Variants in COL5A1 observed in about 807,000 individuals in gnomAD.
COL5A1 encodes collagen alpha-1(V) chain.
In COL5A1, 16 loss-of-function variants were observed where a neutral mutation model predicts 263.7. The observed-to-expected ratio is 0.06, with a 90% CI of 0.04 to 0.09. COL5A1 has a LOEUF of 0.09. COL5A1 is among the 10% of genes least tolerant of loss of function. COL5A1 has a pLI of 1.00. For synonymous variants in COL5A1, 1,012 were observed against 1,004.5 expected, an observed-to-expected ratio of 1.01 and a Z score of -0.14; for missense variants, 2,036 against 2,540.5, an observed-to-expected ratio of 0.80 and a Z score of 4.27.
At chr9:134,693,333 C>T (rs1286412284) in intron 2 of COL5A1, among the ~76,000 whole-genome samples, 1 of 152,110 alleles carries the variant, frequency 6.6e-6, no homozygotes, top group African/African-American at 2.4e-5. Flanking sequence ...TCAAACAAAA[C>T]AAAACAAACA....
intron 4 of COL5A1, chr9:134,709,073 C>T (rs1321055353): frequency 2.5e-6 from 1 of 397,320 alleles, no homozygotes; most frequent in East Asian, 7.2e-5. Context: ...ATTCCATCTG[C>T]AGTGATCTTA....
Position 134,826,350 on chromosome 9 carries a change from T to G in COL5A1, c.5067+446T>G, listed in dbSNP as rs4841937. On this transcript the variant is annotated intron_variant, in intron 63 of 65. Coordinates refer to ENST00000371817, the MANE Select transcript of COL5A1 (RefSeq NM_000093.5). ...CCAGCCTGTTTCTGTGGGTTGGCCCTGGTCCCTCCTGAGTGCTTTGTTTTG... is the reference window on the plus strand; with the variant it reads ...CCAGCCTGTTTCTGTGGGTTGGCCCGGGTCCCTCCTGAGTGCTTTGTTTTG... Among the ~76,000 whole-genome samples the G allele has an allele frequency of 2.0e-5, 3 of 152,248 alleles. No homozygotes were observed. The East Asian group carries it at 5.8e-4, about 29-fold the overall frequency.
rs762708685 is a variant in COL5A1 at position 134,842,151 on chromosome 9, C to A, written c.5371-6C>A. ...ACCACCGGCCATCTGTCTCCCTCTT[C>A]CCCAGACCAAGAAAGGCTACCAGAA... On this transcript the variant is annotated splice_region_variant and splice_polypyrimidine_tract_variant and intron_variant, in intron 65 of 65. Transcript: ENST00000371817. This position sits in a 1 kb window ranked among gnomAD's most constrained non-coding sequence, Gnocchi z 5.8. 8 of 1,614,148 alleles carry A rather than the reference C, an allele frequency of 5.0e-6. No individual in the cohort carries two copies. In the South Asian group the frequency reaches 8.8e-5, roughly 18 times the overall value.
intron 42 of COL5A1, among the ~76,000 whole-genome samples, chr9:134,806,605 G>A (rs1838305693): frequency 6.6e-6 from 1 of 152,194 alleles, no homozygotes; most frequent in African/African-American, 2.4e-5. Context: ...TTCCCCACAT[G>A]CGTGGACAGA....
rs1267699801 is a variant in COL5A1 at position 134,681,729 on chromosome 9, A to G, written c.110-9183A>G. 6.6e-6 allele frequency among the ~76,000 whole-genome samples: 1 copy of G among 152,194 alleles called. No homozygotes were observed. Among genetic ancestry groups the G allele is most frequent in the African/African-American group, 2.4e-5 (1 of 41,444 alleles). On this transcript the variant is annotated intron_variant, in intron 1 of 65. Coordinates refer to ENST00000371817, the MANE Select transcript of COL5A1 (RefSeq NM_000093.5). The surrounding 1 kb of genome is among the most constrained non-coding windows in gnomAD (Gnocchi z 4.3). ...AAGGCTCTTAGCCCAGATGCTATTTATGACTCCTGGCTCTAAAATTAGAGT... is the reference window on the plus strand; with the variant it reads ...AAGGCTCTTAGCCCAGATGCTATTTGTGACTCCTGGCTCTAAAATTAGAGT...
chr9:134,708,728 G>T (rs1833932175), intron 4 of COL5A1: 3 of 502,748 alleles, frequency 6.0e-6, no homozygotes, highest in Non-Finnish European at 1.2e-5. Flanking sequence ...ATTGCACTCT[G>T]CATGATCTCC....
At chr9:134,732,340 G>A (rs1334158419) in intron 9 of COL5A1, 2 of 650,686 alleles carry the variant, frequency 3.1e-6, no homozygotes, top group Admixed American at 2.2e-5. Flanking sequence ...GGACTGTGAT[G>A]GAGGGGGCGG....
In COL5A1 at chr9:134,665,363, A is replaced by G. The variant is rs554149332; in HGVS notation, c.109+23067A>G. 2.2e-3 allele frequency among the ~76,000 whole-genome samples: 338 copies of G among 152,358 alleles called. 2 individuals are homozygous for G. The highest frequency in any genetic ancestry group is 7.7e-3 in the African/African-American group (320 of 41,584). ...GGTTACCATGCAGAACAAAACAAGC[A>G]CAGCAGCTAAGAAGATGAAGTTTTC... On this transcript the variant is annotated intron_variant, in intron 1 of 65. Transcript: ENST00000371817.
chr9:134,797,513 C>T (rs980205995), intron 36 of COL5A1, among the ~76,000 whole-genome samples: 6 of 152,140 alleles, frequency 3.9e-5, no homozygotes, highest in African/African-American at 1.2e-4. Context: ...GACAGAGTCT[C>T]GCTCTGTCGC....
intron 29 of COL5A1, among the ~76,000 whole-genome samples, chr9:134,783,083 AAG>A (rs1588543381): frequency 6.6e-6 from 1 of 152,218 alleles, no homozygotes; most frequent in South Asian, 2.1e-4. Flanking sequence ...GGGAAGAGAA[AAG>A]AGAGCAGCTA....
Position 134,781,461 on chromosome 9 carries a change from C to T in COL5A1, c.2431-1206C>T, listed in dbSNP as rs576883177. Among the ~76,000 whole-genome samples the T allele has an allele frequency of 8.6e-4, 131 of 152,364 alleles. 1 individual carries two copies. Among genetic ancestry groups the T allele is most frequent in the Non-Finnish European group, 9.3e-4 (63 of 68,024 alleles). On this transcript the variant is annotated intron_variant, in intron 28 of 65. Transcript: ENST00000371817. ...GGGTCCCCATCCCAGAATTCCATCC[C>T]GTTGGTCCCCGGGAGGCTCCCTCAC...
chr9:134,698,415 G>A (rs540746278), intron 2 of COL5A1, among the ~76,000 whole-genome samples: 7 of 151,968 alleles, frequency 4.6e-5, no homozygotes, highest in East Asian at 1.9e-4. Context: ...AGCTTCCAGC[G>A]CTCACGCAGG....
intron 18 of COL5A1, among the ~76,000 whole-genome samples, chr9:134,760,480 C>A (rs1836337338): frequency 7.6e-6 from 1 of 131,934 alleles, no homozygotes; most frequent in African/African-American, 2.9e-5. Flanking sequence ...TTCATACACA[C>A]ATGCACACAC....
chr9:134,804,719 A>ATG (rs1230561428), intron 39 of COL5A1, among the ~76,000 whole-genome samples: 2 of 152,114 alleles, frequency 1.3e-5, no homozygotes, highest in Non-Finnish European at 2.9e-5. Flanking sequence ...TGGCCAGGAG[A>ATG]AGCCCAATCC....
chr9:134,701,281 T>A lies in COL5A1; in HGVS notation c.602T>A (p.Ile201Asn). Residue 201 changes from isoleucine to asparagine, a missense_variant, in exon 4 of 66, where the codon ATC becomes AAC. Physicochemically the swap from Ile to Asn is moderately radical, Grantham distance 149. Around this residue, in one of 3 missense-constraint regions of COL5A1, gnomAD observed 600 missense variants for 634.5 expected, o/e 0.95. Coordinates refer to ENST00000371817, the MANE Select transcript of COL5A1 (RefSeq NM_000093.5). ...CGCAGCGACCACCCCATGATCGACA[T>A]CAATGGCATCATCGTGTTTGGCACC... is the stretch of plus-strand genomic sequence containing the variant. Reference protein sequence around the residue: ...LDRSDHPMIDINGIIVFGTRI... With the variant: ...LDRSDHPMIDNNGIIVFGTRI... 1 of 1,613,910 alleles carries A rather than the reference T, an allele frequency of 6.2e-7. No individual in the cohort carries two copies. The highest frequency in any genetic ancestry group is 1.3e-5 in the African/African-American group (1 of 75,018).
At chr9:134,840,659 A>G (rs1039269181) in intron 65 of COL5A1, among the ~76,000 whole-genome samples, 1 of 152,060 alleles carries the variant, frequency 6.6e-6, no homozygotes, top group Non-Finnish European at 1.5e-5. Flanking sequence ...CGTGGCTCAT[A>G]AGCAACAGAA....
chr9:134,670,953 G>T (rs183036699), intron 1 of COL5A1, among the ~76,000 whole-genome samples: 3 of 152,212 alleles, frequency 2.0e-5, no homozygotes, highest in Non-Finnish European at 4.4e-5. Context: ...ATACCACAAG[G>T]CCGGGAGGGA....
At chr9:134,674,443 GAA>G (rs1296942034) in intron 1 of COL5A1, among the ~76,000 whole-genome samples, 13 of 152,174 alleles carry the variant, frequency 8.5e-5, no homozygotes, top group Non-Finnish European at 1.6e-4. Flanking sequence ...TGCAGGGACA[GAA>G]AAAAGATGAG....
In COL5A1 at chr9:134,696,105, G is replaced by A. The variant is rs780974388; in HGVS notation, c.278-3804G>A. On this transcript the variant is annotated intron_variant, in intron 2 of 65. Transcript: ENST00000371817. This position sits in a 1 kb window ranked among gnomAD's most constrained non-coding sequence, Gnocchi z 4.3. ...CCCTGTCCAAAGTTAGCCACACCCCGCATTCATTTCCTATCCTCTGACCTC... is the reference window on the plus strand; with the variant it reads ...CCCTGTCCAAAGTTAGCCACACCCCACATTCATTTCCTATCCTCTGACCTC... Among the ~76,000 whole-genome samples, 5 of 151,818 alleles carry A rather than the reference G, an allele frequency of 3.3e-5. No homozygotes were observed. Among genetic ancestry groups the A allele is most frequent in the East Asian group, 3.9e-4 (2 of 5,174 alleles).
Sources: allele counts gnomAD v4.1 joint callset (sites outside exome capture counted in the v4.1 genomes callset), GRCh38; gene constraint gnomAD v4.1.1; regional missense constraint gnomAD v4.1.1; non-coding constraint Gnocchi (gnomAD v3.1); transcripts MANE v1.5; gene names NCBI Gene and HGNC (gene_info 2026-07-23, HGNC 2026-07-21).